THSD7B: variants seen among roughly 807,000 people sequenced by gnomAD.
THSD7B encodes the protein thrombospondin type 1 domain containing 7B.
A neutral mutation model predicts 213.6 loss-of-function variants in THSD7B; 138 were observed. The observed-to-expected ratio is 0.65, with a 90% CI of 0.56 to 0.74. The LOEUF (loss-of-function observed/expected upper bound fraction) is 0.74. Among genes scored for constraint, THSD7B ranks in the 30% least tolerant of loss-of-function variants. THSD7B has a pLI of 0.00. For missense variants in THSD7B, 1,931 were observed against 1,991.5 expected, an observed-to-expected ratio of 0.97 and a Z score of 0.58; for synonymous variants, 742 against 687.0, an observed-to-expected ratio of 1.08 and a Z score of -1.25.
At chr2:137,124,132 G>A (rs956154867) in intron 5 of THSD7B, among the ~76,000 whole-genome samples, 7 of 152,132 alleles carry the variant, frequency 4.6e-5, no homozygotes, top group African/African-American at 1.7e-4. Flanking sequence ...GATTACATTT[G>A]GAAAACCACG....
chr2:137,021,599 G>T (rs939437491), intron 2 of THSD7B, among the ~76,000 whole-genome samples: 3 of 152,124 alleles, frequency 2.0e-5, no homozygotes, highest in African/African-American at 7.2e-5. Context: ...GATTTCCCAT[G>T]TGTCTTTTAC....
Position 137,642,520 on chromosome 2 carries a change from C to A in THSD7B, c.3832C>A (p.Pro1278Thr), listed in dbSNP as rs188880657. ...RMSRTRFIIM[P>T]TQGEGRPCPT... The stretch of plus-strand genomic sequence containing the variant: ...GAGCCGGACTCGATTTATCATTATG[C>A]CAACCCAAGGAGAAGGACGGCCATG... The change falls in exon 21 of 28, where the codon CCA becomes ACA. Residue 1278 changes from proline to threonine, a missense_variant. Physicochemically the swap from Pro to Thr is conservative, Grantham distance 38 (BLOSUM62 -1). Coordinates refer to ENST00000409968, the MANE Select transcript of THSD7B (RefSeq NM_001316349.2). The A allele has an allele frequency of 4.3e-6, 7 of 1,613,780 alleles. No individual in the cohort carries two copies. Among genetic ancestry groups the A allele is most frequent in the East Asian group, 2.2e-5 (1 of 44,848 alleles).
chr2:137,604,764 C>A (rs933282720), intron 17 of THSD7B, among the ~76,000 whole-genome samples: 1 of 152,098 alleles, frequency 6.6e-6, no homozygotes, highest in African/African-American at 2.4e-5. Context: ...TTTCTAATAT[C>A]TTTTCCATTT....
chr2:137,287,780 T>A (rs1007523428), intron 12 of THSD7B, among the ~76,000 whole-genome samples: 2 of 151,738 alleles, frequency 1.3e-5, no homozygotes, highest in Non-Finnish European at 2.9e-5. Context: ...GATGGGTGGG[T>A]GGGGGTAATT....
intron 15 of THSD7B, among the ~76,000 whole-genome samples, chr2:137,560,404 C>T (rs1342650586): frequency 6.6e-6 from 1 of 152,106 alleles, no homozygotes; most frequent in African/African-American, 2.4e-5. Flanking sequence ...GAGTTCATGT[C>T]CTTTGTAGGG....
At chr2:137,535,600 C>T (rs927939836) in intron 15 of THSD7B, among the ~76,000 whole-genome samples, 7 of 151,770 alleles carry the variant, frequency 4.6e-5, no homozygotes, top group Admixed American at 1.3e-4. Flanking sequence ...ATGGAACAAA[C>T]ATTTATTTAA....
chr2:137,575,725 C>CACATATATATATATAT (rs59620213), intron 17 of THSD7B, among the ~76,000 whole-genome samples: 5 of 110,814 alleles, frequency 4.5e-5, no homozygotes, highest in Non-Finnish European at 9.8e-5. Flanking sequence ...CCATAACACA[C>CACATATATATATATAT]ATATATATAT....
Position 137,667,880 on chromosome 2 carries a change from A to G in THSD7B, c.4739+19A>G, listed in dbSNP as rs1406920359. ...TTGTTTGGTAAGTACTAATTAGTAA[A>G]AAGTTTATGTTCCGTATTTTTATGG... is the stretch of plus-strand genomic sequence containing the variant. On this transcript the variant is annotated intron_variant, in intron 27 of 27. Coordinates refer to ENST00000409968, the MANE Select transcript of THSD7B (RefSeq NM_001316349.2). 3.2e-6 allele frequency: 5 copies of G among 1,540,266 alleles called. No individual in the cohort carries two copies. In the South Asian group the frequency reaches 3.6e-5, roughly 11 times the overall value.
At chr2:137,619,629 A>G (rs999310269) in intron 19 of THSD7B, among the ~76,000 whole-genome samples, 1 of 152,212 alleles carries the variant, frequency 6.6e-6, no homozygotes, top group South Asian at 2.1e-4. Flanking sequence ...AGCATTGTTT[A>G]TTTAGTGTAT....
chr2:136,807,509 G>GTTGTTTTTT lies in THSD7B; in HGVS notation c.-36+41824_-36+41825insGTTTTTTTT, dbSNP rs1682303144. 1.9e-5 allele frequency among the ~76,000 whole-genome samples: 2 copies of GTTGTTTTTT among 104,896 alleles called. 1 individual carries two copies. The highest frequency in any genetic ancestry group is 7.4e-5 in the African/African-American group (2 of 27,040). The allele number at this position is 104,896 out of a possible 152,430, so 68.8% of individuals were successfully genotyped here. On this transcript the variant is annotated intron_variant, in intron 1 of 27. Coordinates refer to ENST00000409968, the MANE Select transcript of THSD7B (RefSeq NM_001316349.2). ...ACTTCCTAGCACTACAAAATGTTTC[G>GTTGTTTTTT]TTTTTTTTTTTTTTTTGAGACGGAG...
At chr2:137,655,388 A>T (rs1018781336) in intron 21 of THSD7B, 113 bp from the exon 22 acceptor site, 52 of 1,120,504 alleles carry the variant, frequency 4.6e-5, no homozygotes, top group Non-Finnish European at 6.4e-5. Flanking sequence ...TCACAAGAAG[A>T]GGAAGCTACG....
At chr2:136,844,091 A>G (rs1682960237) in intron 1 of THSD7B, among the ~76,000 whole-genome samples, 1 of 152,142 alleles carries the variant, frequency 6.6e-6, no homozygotes, top group Non-Finnish European at 1.5e-5. Context: ...GATCTTTTTC[A>G]GATGTTGGGC....
intron 1 of THSD7B, among the ~76,000 whole-genome samples, chr2:136,827,892 C>T (rs1404691082): frequency 5.3e-5 from 8 of 151,934 alleles, no homozygotes. Context: ...GAATTTAGCC[C>T]ATTTCTTACC....
At chr2:137,385,300 C>G (rs545947902) in intron 12 of THSD7B, among the ~76,000 whole-genome samples, 1 of 152,320 alleles carries the variant, frequency 6.6e-6, no homozygotes, top group East Asian at 1.9e-4. Context: ...TGTATCAACC[C>G]ATGATGAAAT....
At chr2:137,394,826 C>T (rs1299306819) in intron 12 of THSD7B, among the ~76,000 whole-genome samples, 4 of 139,542 alleles carry the variant, frequency 2.9e-5, no homozygotes, top group Admixed American at 2.8e-4. Flanking sequence ...TTTGTATCCT[C>T]TTTTATTTCG....
chr2:137,134,500 T>G (rs1007141215), intron 5 of THSD7B, among the ~76,000 whole-genome samples: 4 of 152,002 alleles, frequency 2.6e-5, no homozygotes, highest in African/African-American at 9.7e-5. Context: ...GTCCAGAGGA[T>G]GAGGAAGATA....
intron 2 of THSD7B, among the ~76,000 whole-genome samples, chr2:136,944,208 A>C (rs1176703301): frequency 6.6e-6 from 1 of 152,256 alleles, no homozygotes; most frequent in South Asian, 2.1e-4. Context: ...GAGTTTCTTA[A>C]TCCTGAGTTC....
At chr2:137,549,212 C>T (rs1452513344) in intron 15 of THSD7B, among the ~76,000 whole-genome samples, 1 of 151,476 alleles carries the variant, frequency 6.6e-6, no homozygotes, top group Non-Finnish European at 1.5e-5. Context: ...GACTGAGATC[C>T]GTTAACTGAT....
chr2:137,395,506 A>G (rs1239465387), intron 12 of THSD7B, among the ~76,000 whole-genome samples: 2 of 151,350 alleles, frequency 1.3e-5, no homozygotes, highest in Admixed American at 1.3e-4. Context: ...CATCCCAGGG[A>G]TGAAGCCCAC....
Sources: allele counts gnomAD v4.1 joint callset (sites outside exome capture counted in the v4.1 genomes callset), GRCh38; gene constraint gnomAD v4.1.1; transcripts MANE v1.5; gene names NCBI Gene and HGNC (gene_info 2026-07-23, HGNC 2026-07-21).